SFMBT2: variants seen among roughly 807,000 people sequenced by gnomAD.
The protein encoded by SFMBT2 is scm-like with four MBT domains protein 2.
In SFMBT2, 38 loss-of-function variants were observed where a neutral mutation model predicts 110.1. That is an observed-to-expected ratio of 0.35 (90% CI 0.27 to 0.45). SFMBT2 has a LOEUF of 0.45. SFMBT2 is among the 20% of genes least tolerant of loss of function. The pLI, the probability that SFMBT2 is intolerant of heterozygous loss-of-function variation, is 1.00. For synonymous variants in SFMBT2, 425 were observed against 425.4 expected (o/e 1.00, Z 0.01); for missense variants, 1,011 against 1,094.9 (o/e 0.92, Z 1.08).
At chr10:7,353,101 T>C (rs2132016832) in intron 4 of SFMBT2, among the ~76,000 whole-genome samples, 1 of 152,306 alleles carries the variant, frequency 6.6e-6, no homozygotes, top group Admixed American at 6.5e-5. Context: ...AGTTCATCAC[T>C]GAGTACACAC....
chr10:7,393,941 T>G (rs1312506472), intron 1 of SFMBT2, among the ~76,000 whole-genome samples: 1 of 152,178 alleles, frequency 6.6e-6, no homozygotes, highest in African/African-American at 2.4e-5. Context: ...CACTCTAACT[T>G]TGGGTCGCTG....
At chr10:7,400,904 G>A (rs549682047) in intron 1 of SFMBT2, among the ~76,000 whole-genome samples, 4 of 152,266 alleles carry the variant, frequency 2.6e-5, no homozygotes, top group Admixed American at 6.5e-5. Flanking sequence ...AAGCCGAGGC[G>A]GGCGGATTAC....
intron 2 of SFMBT2, among the ~76,000 whole-genome samples, chr10:7,371,699 G>A (rs763074435): frequency 8.5e-5 from 13 of 152,146 alleles, no homozygotes; most frequent in African/African-American, 1.4e-4. Flanking sequence ...AGTTCCAAAA[G>A]TTTAGATGAT....
At chr10:7,242,916 T>C (rs892050660) in intron 9 of SFMBT2, among the ~76,000 whole-genome samples, 1 of 152,236 alleles carries the variant, frequency 6.6e-6, no homozygotes, top group African/African-American at 2.4e-5. Flanking sequence ...TTCTTCTTCT[T>C]ACTATACCTT....
intron 4 of SFMBT2, among the ~76,000 whole-genome samples, chr10:7,342,611 A>G (rs868858440): frequency 3.2e-4 from 49 of 151,748 alleles, no homozygotes; most frequent in East Asian, 5.8e-4. Flanking sequence ...GGGTTTCACC[A>G]TGGTCTCGAT....
At chr10:7,242,061 G>A (rs1024002537) in intron 9 of SFMBT2, among the ~76,000 whole-genome samples, 1 of 152,150 alleles carries the variant, frequency 6.6e-6, no homozygotes, top group African/African-American at 2.4e-5. Flanking sequence ...AAGTCCAAAG[G>A]AAGCAAAGGA....
chr10:7,210,145 G>A (rs191062033), intron 11 of SFMBT2, among the ~76,000 whole-genome samples: 1 of 152,264 alleles, frequency 6.6e-6, no homozygotes, highest in Admixed American at 6.5e-5. Flanking sequence ...AGGACACAGA[G>A]GTCTACCTGG....
Position 7,287,166 on chromosome 10 carries a change from G to A in SFMBT2, c.437-1212C>T, listed in dbSNP as rs550930297. 2.2e-4 allele frequency among the ~76,000 whole-genome samples: 29 copies of A among 134,016 alleles called. No individual in the cohort carries two copies. In the South Asian group the frequency reaches 2.2e-3, roughly 10 times the overall value. 87.9% of individuals were successfully genotyped at this position (134,016 alleles called of 152,430 possible). A position where few individuals can be genotyped will look rare whatever the true frequency, so the allele number is the denominator to read the frequency against. ...CGGATCTCAGCTCACTGCAAGCTCC[G>A]CCTCCCAGGTTCACGCCATTCTCCT... On this transcript the variant is annotated intron_variant, in intron 4 of 20. Coordinates refer to ENST00000397167, the MANE Select transcript of SFMBT2 (RefSeq NM_001387889.1).
chr10:7,226,966 A>T (rs1322829663), intron 10 of SFMBT2, among the ~76,000 whole-genome samples: 3 of 152,216 alleles, frequency 2.0e-5, no homozygotes, highest in African/African-American at 7.2e-5. Flanking sequence ...TGCATTTCTC[A>T]GAACATAACC....
At chr10:7,340,854 C>T (rs1843878205) in intron 4 of SFMBT2, among the ~76,000 whole-genome samples, 1 of 148,616 alleles carries the variant, frequency 6.7e-6, no homozygotes, top group Non-Finnish European at 1.5e-5. Flanking sequence ...AACAAAGTAA[C>T]TGGGACAGAA....
In SFMBT2 at chr10:7,164,007, C is replaced by A. The variant is rs1837624303; in HGVS notation, c.2545-97G>T. 2.0e-6 allele frequency: 3 copies of A among 1,468,250 alleles called. No individual in the cohort carries two copies. The African/African-American group carries it at 4.3e-5, about 21-fold the overall frequency. The allele number at this position is 1,468,250 out of a possible 1,614,324, so 91.0% of individuals were successfully genotyped here. ...TCCAGTCCGGGGCCAAACATGACAACAGGATGCTCTTGTTTCATTCAATTC... is the reference window on the plus strand; with the variant it reads ...TCCAGTCCGGGGCCAAACATGACAAAAGGATGCTCTTGTTTCATTCAATTC... On this transcript the variant is annotated intron_variant, in intron 20 of 20. Coordinates refer to ENST00000397167, the MANE Select transcript of SFMBT2 (RefSeq NM_001387889.1).
intron 10 of SFMBT2, among the ~76,000 whole-genome samples, chr10:7,224,275 C>T (rs1162950717): frequency 6.6e-6 from 1 of 152,162 alleles, no homozygotes; most frequent in Non-Finnish European, 1.5e-5. Context: ...CAGCTCAAAT[C>T]TCAATTGAGT....
intron 4 of SFMBT2, among the ~76,000 whole-genome samples, chr10:7,365,737 C>T (rs1029149215): frequency 2.0e-5 from 3 of 152,142 alleles, no homozygotes; most frequent in Admixed American, 6.5e-5. Flanking sequence ...AAAGGCCACA[C>T]AGCATAGGAT....
At chr10:7,210,857 G>C (rs1383007250) in intron 11 of SFMBT2, among the ~76,000 whole-genome samples, 1 of 152,024 alleles carries the variant, frequency 6.6e-6, no homozygotes, top group African/African-American at 2.4e-5. Flanking sequence ...CTGGTGGCCA[G>C]GATCAAGGTA....
At chr10:7,355,823 A>C (rs1403273806) in intron 4 of SFMBT2, among the ~76,000 whole-genome samples, 1 of 152,234 alleles carries the variant, frequency 6.6e-6, no homozygotes, top group African/African-American at 2.4e-5. Flanking sequence ...AAAATAAATA[A>C]ATAAATAAAT....
rs1237855102 is a variant in SFMBT2 at position 7,228,729 on chromosome 10, T to C, written c.1121-792A>G. Among the ~76,000 whole-genome samples, 195 of 90,514 alleles carry C rather than the reference T, an allele frequency of 2.2e-3. 7 individuals carry two copies. Among genetic ancestry groups the C allele is most frequent in the African/African-American group, 8.7e-3 (164 of 18,786 alleles). 59.4% of individuals were successfully genotyped at this position (90,514 alleles called of 152,430 possible). On this transcript the variant is annotated intron_variant, in intron 9 of 20. Transcript: ENST00000397167. The stretch of plus-strand genomic sequence containing the variant: ...TTTCTTTCTTTCTTTCTTTCTTTCT[T>C]TCTTTCCTTTCTCTCTCTCTCTCTC...
At chr10:7,275,098 C>T (rs575493376) in intron 7 of SFMBT2, among the ~76,000 whole-genome samples, 2 of 152,302 alleles carry the variant, frequency 1.3e-5, no homozygotes, top group African/African-American at 4.8e-5. Flanking sequence ...GCAGGACCCG[C>T]ACAGCTGTGA....
At chr10:7,197,739 A>T in intron 14 of SFMBT2, 52 bp from the exon 15 acceptor site, 1 of 1,597,658 alleles carries the variant, frequency 6.3e-7, no homozygotes, top group Non-Finnish European at 8.5e-7. Context: ...CCCAGACCCT[A>T]GGGGACCCCT....
rs1444970343 is a variant in SFMBT2 at position 7,246,201 on chromosome 10, C to T, written c.972+2347G>A. On this transcript the variant is annotated intron_variant, in intron 8 of 20. Coordinates refer to ENST00000397167, the MANE Select transcript of SFMBT2 (RefSeq NM_001387889.1). ...CTTTGCTACAAAGGGTAAGAAAAAG[C>T]AAAATAAAAAGGAAAACACAGTTTA... 3.1e-6 allele frequency: 3 copies of T among 981,568 alleles called. No individual in the cohort carries two copies. In the African/African-American group the frequency reaches 5.3e-5, roughly 17 times the overall value. The allele number at this position is 981,568 out of a possible 1,614,324, so 60.8% of individuals were successfully genotyped here.
Sources: allele counts gnomAD v4.1 joint callset (sites outside exome capture counted in the v4.1 genomes callset), GRCh38; gene constraint gnomAD v4.1.1; transcripts MANE v1.5; gene names NCBI Gene and HGNC (gene_info 2026-07-23, HGNC 2026-07-21).